Variants in S100B observed in about 807,000 individuals in gnomAD.
S100B encodes S100 calcium binding protein B.
Under a neutral mutation model 7.7 loss-of-function variants are expected in S100B, and 6 were observed. The observed-to-expected ratio is 0.78, with a 90% CI of 0.43 to 1.54. The LOEUF (loss-of-function observed/expected upper bound fraction) is 1.54, where lower values mean the gene tolerates loss of function less well. S100B is among the 40% of genes most tolerant of loss of function. The pLI, the probability that S100B is intolerant of heterozygous loss-of-function variation, is 0.01. For missense variants in S100B, 99 were observed against 111.8 expected, an observed-to-expected ratio of 0.89 and a Z score of 0.52; for synonymous variants, 36 against 40.4, an observed-to-expected ratio of 0.89 and a Z score of 0.41.
Position 46,599,449 on chromosome 21 carries a change from C to T in S100B, c.193G>A (p.Gly65Arg). 2 of 1,613,836 alleles carry T rather than the reference C, an allele frequency of 1.2e-6. No individual in the cohort carries two copies. Among genetic ancestry groups the T allele is most frequent in the South Asian group, 2.2e-5 (2 of 91,074 alleles). Residue 65 changes from glycine to arginine, a missense_variant, in exon 3 of 3, where the codon GGA (glycine) becomes AGA (arginine). Transcript: ENST00000291700. ...DKVMETLDND[G>R]DGECDFQEFM... The stretch of plus-strand genomic sequence containing the variant: ...TCCTGGAAGTCACATTCGCCGTCTC[C>T]ATCATTGTCCAGTGTTTCCATGACT...
chr21:46,602,138 A>C, intron 2 of S100B, 140 bp downstream of exon 2: 1 of 755,604 alleles, frequency 1.3e-6, no homozygotes, highest in Non-Finnish European at 2.1e-6. Flanking sequence ...TCCGTTACTC[A>C]AACAAGTTTG....
Position 46,601,463 on chromosome 21 carries a change from CA to C in S100B, c.138+814del, listed in dbSNP as rs1388046105. ...TACCAGGGGGATCACAGTTCACTTC[CA>C]TGAGGGCATGAGGTGGGCAGTAAAG... On this transcript the variant is annotated intron_variant, in intron 2 of 2. Transcript: ENST00000291700. Among the ~76,000 whole-genome samples, 4 of 152,284 alleles carry C rather than the reference CA, an allele frequency of 2.6e-5. No homozygotes were observed. In the East Asian group the frequency reaches 7.7e-4, roughly 29 times the overall value.
chr21:46,604,539 C>T (rs1032243819), intron 1 of S100B, among the ~76,000 whole-genome samples: 1 of 152,132 alleles, frequency 6.6e-6, no homozygotes, highest in Admixed American at 6.5e-5. Context: ...GCACTTCAAA[C>T]TGAGGGAAAC....
At chr21:46,603,398 T>TGGGGGGGGGGGGGGGGGGGGGGGG in intron 1 of S100B, among the ~76,000 whole-genome samples, 1 of 52,070 alleles carries the variant, frequency 1.9e-5, no homozygotes, top group Non-Finnish European at 3.8e-5. Flanking sequence ...CGGGAGGGGG[T>TGGGGGGGGGGGGGGGGGGGGGGGG]GGGGGCAGGA....
chr21:46,603,825 C>T (rs1430901672), intron 1 of S100B, among the ~76,000 whole-genome samples: 1 of 152,138 alleles, frequency 6.6e-6, no homozygotes, highest in African/African-American at 2.4e-5. Context: ...AATCAGTGTA[C>T]TTTATTTTGC....
intron 1 of S100B, among the ~76,000 whole-genome samples, chr21:46,603,392 A>AGGGGGACGGCGGGAGGGGGGGGCGGGG (rs1555923741): frequency 5.2e-5 from 2 of 38,206 alleles, no homozygotes; most frequent in Non-Finnish European, 9.8e-5. Flanking sequence ...GGACGGCGGG[A>AGGGGGACGGCGGGAGGGGGGGGCGGGG]GGGGGTGGGG....
Position 46,605,012 on chromosome 21 carries a change from C to T in S100B, c.-2+1G>A, listed in dbSNP as rs111335795. On this transcript the variant is annotated splice_donor_variant, in intron 1 of 2. Coordinates refer to ENST00000291700, the MANE Select transcript of S100B (RefSeq NM_006272.3). LOFTEE classifies it low-confidence loss of function (5UTR_SPLICE). ...GTCCTCTTGGCCTGGCTCTTTCTCACCTCTTCCTTGTCTCACCCCTTCCTG... is the reference window on the plus strand; with the variant it reads ...GTCCTCTTGGCCTGGCTCTTTCTCATCTCTTCCTTGTCTCACCCCTTCCTG... 2 of 152,476 alleles carry T rather than the reference C, an allele frequency of 1.3e-5. No individual in the cohort carries two copies. The highest frequency in any genetic ancestry group is 2.9e-5 in the Non-Finnish European group (2 of 68,176). 9.4% of individuals were successfully genotyped at this position (152,476 alleles called of 1,614,324 possible).
intron 2 of S100B, among the ~76,000 whole-genome samples, chr21:46,600,662 G>T (rs914353131): frequency 2.0e-5 from 3 of 152,156 alleles, no homozygotes; most frequent in Admixed American, 6.6e-5. Context: ...TTATACATCT[G>T]CTTCCGAACT....
At chr21:46,600,744 A>G (rs1158775563) in intron 2 of S100B, among the ~76,000 whole-genome samples, 1 of 152,216 alleles carries the variant, frequency 6.6e-6, no homozygotes, top group African/African-American at 2.4e-5. Context: ...ATTATTTATC[A>G]TTTACAAATT....
intron 2 of S100B, among the ~76,000 whole-genome samples, chr21:46,601,928 AT>A (rs1484846769): frequency 6.6e-6 from 1 of 152,240 alleles, no homozygotes; most frequent in African/African-American, 2.4e-5. Context: ...AAGCCAAAAT[AT>A]ATCCTTTTCC....
At chr21:46,603,392 A>AGGGGACGGCGGGAGGGGGGGGCGGGGGG (rs1555923730) in intron 1 of S100B, among the ~76,000 whole-genome samples, 5 of 38,206 alleles carry the variant, frequency 1.3e-4, no homozygotes, top group Non-Finnish European at 2.5e-4. Flanking sequence ...GGACGGCGGG[A>AGGGGACGGCGGGAGGGGGGGGCGGGGGG]GGGGGTGGGG....
chr21:46,600,734 ATTAT>A (rs898121587), intron 2 of S100B, among the ~76,000 whole-genome samples: 2 of 152,158 alleles, frequency 1.3e-5, no homozygotes, highest in Non-Finnish European at 1.5e-5. Flanking sequence ...CTTACCATGA[ATTAT>A]TTATCATTTA....
rs568269330 is a variant in S100B, at chr21:46,599,468, C to T, written c.174G>A (p.Met58Ile). The T allele has an allele frequency of 1.2e-6, 2 of 1,614,138 alleles. No homozygotes were observed. Among genetic ancestry groups the T allele is most frequent in the South Asian group, 1.1e-5 (1 of 91,084 alleles). Residue 58 changes from methionine (M) to isoleucine (I), a missense_variant, in exon 3 of 3, where the codon ATG becomes ATA. Coordinates refer to ENST00000291700, the MANE Select transcript of S100B (RefSeq NM_006272.3). ...CGTCTCCATCATTGTCCAGTGTTTC[C>T]ATGACTTTGTCCACAACCTCCTGCT... is the stretch of plus-strand genomic sequence containing the variant. ...IKEQEVVDKVMETLDNDGDGE... is the reference protein window; with the variant it reads ...IKEQEVVDKVIETLDNDGDGE...
intron 2 of S100B, 36 bp from the exon 3 acceptor site, chr21:46,599,539 T>C (rs1423522087): frequency 6.2e-7 from 1 of 1,606,062 alleles, no homozygotes. Context: ...ACCTTGTTTT[T>C]AAATGGAATT....
rs889514809 is a variant in S100B at position 46,599,170 on chromosome 21, G to C, written c.*193C>G. 1.2e-5 allele frequency: 7 copies of C among 605,242 alleles called. No homozygotes were observed. The Admixed American group carries it at 1.8e-4, about 16-fold the overall frequency. 37.5% of individuals were successfully genotyped at this position (605,242 alleles called of 1,614,324 possible). On this transcript the variant is annotated 3_prime_UTR_variant, in exon 3 of 3. Transcript: ENST00000291700. Reference sequence around the variant, plus strand: ...GCTTACACACAGGCCTAATATAGCAGAAAGAATGATGCAGGCCGTTAAAAC... The same window carrying C: ...GCTTACACACAGGCCTAATATAGCACAAAGAATGATGCAGGCCGTTAAAAC...
intron 1 of S100B, among the ~76,000 whole-genome samples, chr21:46,603,388 C>T (rs945795734): frequency 2.3e-3 from 3 of 1,280 alleles, no homozygotes; most frequent in South Asian, 0.011. Flanking sequence ...ACTGGGACGG[C>T]GGGAGGGGGT....
Position 46,598,812 on chromosome 21 carries a change from C to G in S100B, c.*551G>C, listed in dbSNP as rs1424469446. The stretch of plus-strand genomic sequence containing the variant: ...CTGATGGAGTTGCTTTTTCCAGGAG[C>G]GCTGCCAGCGCTGAGCGTTCACCTG... On this transcript the variant is annotated 3_prime_UTR_variant, in exon 3 of 3. Coordinates refer to ENST00000291700, the MANE Select transcript of S100B (RefSeq NM_006272.3). 1 of 152,542 alleles carries G rather than the reference C, an allele frequency of 6.6e-6. No homozygotes were observed. The highest frequency in any genetic ancestry group is 3.2e-3 in the Middle Eastern group (1 of 316). 9.4% of individuals were successfully genotyped at this position (152,542 alleles called of 1,614,324 possible). A position where few individuals can be genotyped will look rare whatever the true frequency, so the allele number is the denominator to read the frequency against.
At chr21:46,604,806 G>T (rs570424061) in intron 1 of S100B, among the ~76,000 whole-genome samples, 1 of 152,280 alleles carries the variant, frequency 6.6e-6, no homozygotes, top group East Asian at 1.9e-4. Context: ...ACCTCTAGCT[G>T]TCTAGGGCTG....
rs376232084 is a variant in S100B at position 46,599,485 on chromosome 21, C to G, written c.157G>C (p.Val53Leu). 6.2e-7 allele frequency: 1 copy of G among 1,614,020 alleles called. No homozygotes were observed. Among genetic ancestry groups the G allele is most frequent in the African/African-American group, 1.3e-5 (1 of 74,936 alleles). ...AGTGTTTCCATGACTTTGTCCACAACCTCCTGCTCTTTGATTTCCTAAGAG... is the reference window on the plus strand; with the variant it reads ...AGTGTTTCCATGACTTTGTCCACAAGCTCCTGCTCTTTGATTTCCTAAGAG... ...HFLEEIKEQEVVDKVMETLDN... is the reference protein window; with the variant it reads ...HFLEEIKEQELVDKVMETLDN... Residue 53 changes from valine to leucine, a missense_variant, in exon 3 of 3, where the codon GTT (valine) becomes CTT (leucine). Coordinates refer to ENST00000291700, the MANE Select transcript of S100B (RefSeq NM_006272.3).
Sources: allele counts gnomAD v4.1 joint callset (sites outside exome capture counted in the v4.1 genomes callset), GRCh38; gene constraint gnomAD v4.1.1; transcripts MANE v1.5; gene names NCBI Gene and HGNC (gene_info 2026-07-23, HGNC 2026-07-21).